The following TBL1XR1 variants were observed in gnomAD, a reference collection of about 807,000 sequenced individuals.
TBL1XR1 encodes F-box-like/WD repeat-containing protein TBL1XR1.
TBL1XR1 carries 5 observed loss-of-function variants against 66.9 expected under a neutral mutation model. The ratio of observed to expected loss-of-function variants is 0.07; its 90% CI spans 0.04 to 0.16. TBL1XR1 has a LOEUF of 0.16. Ranked by LOEUF, TBL1XR1 falls within the 10% of genes least tolerant of loss-of-function variation. The pLI is 1.00. For synonymous variants in TBL1XR1, 210 were observed against 206.0 expected, an observed-to-expected ratio of 1.02 and a Z score of -0.17; for missense variants, 238 against 623.2, an observed-to-expected ratio of 0.38 and a Z score of 6.58.
intron 14 of TBL1XR1, among the ~76,000 whole-genome samples, chr3:177,031,349 T>G (rs1377899488): frequency 1.6e-4 from 25 of 151,590 alleles, no homozygotes; most frequent in Admixed American, 1.4e-3. Flanking sequence ...TATTTTTTTT[T>G]TTTGAGACAG....
intron 1 of TBL1XR1, among the ~76,000 whole-genome samples, chr3:177,170,086 G>GACT (rs1210629698): frequency 2.0e-5 from 3 of 152,096 alleles, no homozygotes; most frequent in African/African-American, 7.2e-5. Flanking sequence ...TCCTAGTTAA[G>GACT]ACTTTCACTT....
intron 1 of TBL1XR1, among the ~76,000 whole-genome samples, chr3:177,192,397 TC>T (rs879530485): frequency 6.5e-3 from 732 of 112,356 alleles, no homozygotes; most frequent in Non-Finnish European, 9.9e-3. Flanking sequence ...AGACTTTATC[TC>T]AAAAAAAAAA....
In TBL1XR1 at chr3:177,070,029, T is replaced by TA. The variant is rs1719760727; in HGVS notation, c.-45-5008dup. Among the ~76,000 whole-genome samples the TA allele has an allele frequency of 2.0e-5, 3 of 152,338 alleles. No individual in the cohort carries two copies. The South Asian group carries it at 6.2e-4, about 32-fold the overall frequency. On this transcript the variant is annotated intron_variant, in intron 2 of 15. Transcript: ENST00000457928. ...GAATGGTTTTCACAAAATGCTTTTT[T>TA]AAAAAACAGAATATTTGTTGTTTAT...
chr3:177,122,771 A>T (rs73187547), intron 1 of TBL1XR1, among the ~76,000 whole-genome samples: 10,441 of 152,188 alleles, frequency 0.069, 528 homozygotes, highest in Admixed American at 0.17. Flanking sequence ...TGCAGAAAAG[A>T]CTCATGATTA....
chr3:177,080,776 A>G (rs891025996), intron 2 of TBL1XR1, among the ~76,000 whole-genome samples: 18 of 152,212 alleles, frequency 1.2e-4, no homozygotes, highest in African/African-American at 4.3e-4. Flanking sequence ...AATTACCTAA[A>G]TACAATTAAC....
chr3:177,082,806 C>T (rs1206319295), intron 2 of TBL1XR1, among the ~76,000 whole-genome samples: 6 of 132,874 alleles, frequency 4.5e-5, no homozygotes, highest in East Asian at 2.3e-4. Context: ...CCCAGGCTGA[C>T]GGGCAGTGGC....
intron 14 of TBL1XR1, among the ~76,000 whole-genome samples, chr3:177,030,787 A>T (rs1004389842): frequency 1.3e-5 from 2 of 152,244 alleles, no homozygotes; most frequent in African/African-American, 4.8e-5. Flanking sequence ...ACTTTCATCA[A>T]CTCTGTAACT....
intron 2 of TBL1XR1, among the ~76,000 whole-genome samples, chr3:177,070,049 G>A (rs1461064516): frequency 2.0e-5 from 3 of 152,156 alleles, no homozygotes; most frequent in Non-Finnish European, 2.9e-5. Context: ...AATATTTGTT[G>A]TTTATTTGAT....
intron 14 of TBL1XR1, among the ~76,000 whole-genome samples, chr3:177,029,846 A>G (rs971806830): frequency 6.6e-6 from 1 of 152,350 alleles, no homozygotes; most frequent in Non-Finnish European, 1.5e-5. Flanking sequence ...CAACTGTATA[A>G]TAACTATTTG....
chr3:177,117,840 A>G (rs1423054079), intron 1 of TBL1XR1, among the ~76,000 whole-genome samples: 1 of 152,204 alleles, frequency 6.6e-6, no homozygotes, highest in African/African-American at 2.4e-5. Flanking sequence ...AAGCAGTATT[A>G]AAGAGCAGAA....
intron 1 of TBL1XR1, among the ~76,000 whole-genome samples, chr3:177,170,825 A>C (rs1160740399): frequency 6.6e-6 from 1 of 151,842 alleles, no homozygotes; most frequent in Non-Finnish European, 1.5e-5. Context: ...AGCTGGTCTC[A>C]AACTCCTGAG....
intron 1 of TBL1XR1, among the ~76,000 whole-genome samples, chr3:177,130,307 G>A (rs923277369): frequency 5.9e-5 from 9 of 151,976 alleles, no homozygotes; most frequent in Admixed American, 3.9e-4. Flanking sequence ...ATTATAAAAA[G>A]AAACAACCAA....
intron 1 of TBL1XR1, among the ~76,000 whole-genome samples, chr3:177,177,475 C>T (rs1333321586): frequency 6.6e-6 from 1 of 152,046 alleles, no homozygotes; most frequent in East Asian, 1.9e-4. Flanking sequence ...AAAAATAAAA[C>T]ATTAACTTCT....
In TBL1XR1 at chr3:177,098,478, A is replaced by T. The variant is rs1357342853; in HGVS notation, c.-58T>A. 1.0e-6 allele frequency: 1 copy of T among 985,734 alleles called. No individual in the cohort carries two copies. The highest frequency in any genetic ancestry group is 1.2e-6 in the Non-Finnish European group (1 of 829,916). The allele number at this position is 985,734 out of a possible 1,614,324, so 61.1% of individuals were successfully genotyped here. A position where few individuals can be genotyped will look rare whatever the true frequency, so the allele number is the denominator to read the frequency against. On this transcript the variant is annotated 5_prime_UTR_variant, in exon 2 of 16. The change abolishes an upstream ATG in the 5' untranslated region. Transcript: ENST00000457928. ...TGGAGAGTCTTACCATTGGCAGTGC[A>T]TTGATGTGGGGATGTGCAACTGAAT...
At chr3:177,120,609 C>T (rs1726873340) in intron 1 of TBL1XR1, 1 of 152,206 alleles carries the variant, frequency 6.6e-6, no homozygotes, top group African/African-American at 2.4e-5. Context: ...TCAAAGGTCA[C>T]GTGCAATCTT....
At chr3:177,126,309 G>A (rs1727625666) in intron 1 of TBL1XR1, among the ~76,000 whole-genome samples, 2 of 152,142 alleles carry the variant, frequency 1.3e-5, no homozygotes, top group African/African-American at 4.8e-5. Context: ...ATCACACTTT[G>A]AGAACTACAA....
At chr3:177,052,019 G>A (rs1297875217) in intron 4 of TBL1XR1, among the ~76,000 whole-genome samples, 2 of 152,142 alleles carry the variant, frequency 1.3e-5, no homozygotes, top group East Asian at 1.9e-4. Context: ...TGATAAAAAG[G>A]CTTATTAATT....
At chr3:177,171,321 C>T (rs1318839841) in intron 1 of TBL1XR1, 1 of 151,960 alleles carries the variant, frequency 6.6e-6, no homozygotes, top group Non-Finnish European at 1.5e-5. Context: ...GCCTGAGCAA[C>T]AAGAGTGAAA....
At chr3:177,160,743 C>T (rs1472377764) in intron 1 of TBL1XR1, 1 of 152,088 alleles carries the variant, frequency 6.6e-6, no homozygotes, top group Non-Finnish European at 1.5e-5. Flanking sequence ...CACCTGTAAT[C>T]CACACACTTT....
Sources: allele counts gnomAD v4.1 joint callset (sites outside exome capture counted in the v4.1 genomes callset), GRCh38; gene constraint gnomAD v4.1.1; transcripts MANE v1.5; gene names NCBI Gene and HGNC (gene_info 2026-07-23, HGNC 2026-07-21).